The following AMPH variants were observed in gnomAD, a reference collection of about 807,000 sequenced individuals.
AMPH encodes the protein amphiphysin, also known as amphiphysin (Stiff-Mann syndrome with breast cancer 128kD autoantigen).
A neutral mutation model predicts 99.1 loss-of-function variants in AMPH; 49 were observed. The observed-to-expected ratio is 0.49, with a 90% CI of 0.39 to 0.63. AMPH has a LOEUF of 0.63. Ranked by LOEUF, AMPH falls within the 20% of genes least tolerant of loss-of-function variation. AMPH has a pLI of 0.00. For missense variants in AMPH, 759 were observed against 863.4 expected (o/e 0.88, Z 1.52); for synonymous variants, 314 against 317.3 (o/e 0.99, Z 0.11).
At chr7:38,596,101 T>C (rs1461806920) in intron 1 of AMPH, among the ~76,000 whole-genome samples, 1 of 152,200 alleles carries the variant, frequency 6.6e-6, no homozygotes, top group Non-Finnish European at 1.5e-5. Context: ...CTGGGTCAAA[T>C]AGTAGCTCTG....
At chr7:38,451,303 ACG>A (rs1787008997) in intron 11 of AMPH, among the ~76,000 whole-genome samples, 1 of 150,714 alleles carries the variant, frequency 6.6e-6, no homozygotes, top group Admixed American at 6.6e-5. Context: ...ACACATATAT[ACG>A]TGTGTATATA....
chr7:38,386,304 A>AT (rs975901340), intron 20 of AMPH, among the ~76,000 whole-genome samples: 15 of 152,318 alleles, frequency 9.8e-5, no homozygotes, highest in Non-Finnish European at 1.8e-4. Context: ...ATAAAAGGTC[A>AT]TTTTTCCCCC....
At chr7:38,413,210 G>C (rs1359005323) in intron 17 of AMPH, among the ~76,000 whole-genome samples, 1 of 152,122 alleles carries the variant, frequency 6.6e-6, no homozygotes, top group Non-Finnish European at 1.5e-5. Flanking sequence ...GCCCTCATGG[G>C]AAACTTTTAA....
At chr7:38,476,778 G>T in intron 6 of AMPH, 84 bp downstream of exon 6, 1 of 903,274 alleles carries the variant, frequency 1.1e-6, no homozygotes, top group South Asian at 1.5e-5. Context: ...TCCTTTTATA[G>T]AGGAGGCATT....
At chr7:38,520,846 C>T (rs1295047734) in intron 2 of AMPH, among the ~76,000 whole-genome samples, 1 of 152,206 alleles carries the variant, frequency 6.6e-6, no homozygotes, top group Non-Finnish European at 1.5e-5. Context: ...CCCAAAATTA[C>T]ACTATCAGAC....
intron 1 of AMPH, among the ~76,000 whole-genome samples, chr7:38,577,981 C>A (rs532114125): frequency 2.0e-5 from 3 of 152,224 alleles, no homozygotes; most frequent in Non-Finnish European, 2.9e-5. Context: ...ACGATAGCTG[C>A]GTCACCTGTG....
intron 1 of AMPH, among the ~76,000 whole-genome samples, chr7:38,556,370 A>T (rs1485675415): frequency 6.6e-6 from 1 of 152,176 alleles, no homozygotes; most frequent in Admixed American, 6.5e-5. Flanking sequence ...AAGAGGAAAA[A>T]AAATGAATGA....
chr7:38,600,613 T>A (rs962432284), intron 1 of AMPH, among the ~76,000 whole-genome samples: 8 of 152,196 alleles, frequency 5.3e-5, no homozygotes, highest in African/African-American at 1.9e-4. Context: ...TCTTTGACCA[T>A]TTTTTACCTA....
rs1235790854 is a variant in AMPH at position 38,394,153 on chromosome 7, G to C, written c.1460C>G (p.Ala487Gly). 1.2e-6 allele frequency: 2 copies of C among 1,613,994 alleles called. No individual in the cohort carries two copies. The highest frequency in any genetic ancestry group is 1.7e-6 in the Non-Finnish European group (2 of 1,180,036). ...CTCCGCCTCTGCTTCCTCTCCTGGG[G>C]CCCCCTCAGCTGCTGACACCAAGGT... ...VGTLVSAAEG[A>G]PGEEAEAEKA... The change falls in exon 18 of 21, where the codon GCC becomes GGC. Residue 487 changes from alanine (A) to glycine (G), a missense_variant. By Grantham distance (60) the Ala-to-Gly change is moderately conservative. Around this residue, in one of 2 missense-constraint regions of AMPH, gnomAD observed 554 missense variants for 575.6 expected, o/e 0.96. Coordinates refer to ENST00000356264, the MANE Select transcript of AMPH (RefSeq NM_001635.4).
chr7:38,426,927 G>T lies in AMPH; in HGVS notation c.1215+27C>A, dbSNP rs777491039. 15 of 1,607,384 alleles carry T rather than the reference G, an allele frequency of 9.3e-6. 1 individual carries two copies. The highest frequency in any genetic ancestry group is 1.1e-5 in the Non-Finnish European group (13 of 1,174,762). On this transcript the variant is annotated intron_variant, in intron 15 of 20. Coordinates refer to ENST00000356264, the MANE Select transcript of AMPH (RefSeq NM_001635.4). ...AAATGTGCATCATTCTCAGCAGATG[G>T]ATCTTGTAAGAAAACAGATTCCTTA...
At chr7:38,538,451 A>G (rs919068842) in intron 1 of AMPH, among the ~76,000 whole-genome samples, 2 of 152,146 alleles carry the variant, frequency 1.3e-5, no homozygotes, top group Non-Finnish European at 2.9e-5. Context: ...GGAGTGGACA[A>G]GGGTGGCATG....
chr7:38,622,401 T>C (rs1165748892), intron 1 of AMPH, among the ~76,000 whole-genome samples: 2 of 152,058 alleles, frequency 1.3e-5, no homozygotes, highest in Admixed American at 6.6e-5. Flanking sequence ...AATTTAGTCA[T>C]ATATATGAAT....
At chr7:38,397,545 A>T (rs1173099564) in intron 17 of AMPH, among the ~76,000 whole-genome samples, 1 of 152,232 alleles carries the variant, frequency 6.6e-6, no homozygotes, top group East Asian at 1.9e-4. Flanking sequence ...ATAAGTCTTC[A>T]AACTATGAAA....
chr7:38,470,475 T>C (rs1173967093), intron 7 of AMPH, among the ~76,000 whole-genome samples: 1 of 152,118 alleles, frequency 6.6e-6, no homozygotes, highest in African/African-American at 2.4e-5. Flanking sequence ...CACTCCTCAT[T>C]TTTAAAATTC....
At chr7:38,421,044 G>C (rs946973046) in intron 16 of AMPH, 1 of 456,552 alleles carries the variant, frequency 2.2e-6, no homozygotes, top group Non-Finnish European at 4.4e-6. Context: ...ACCAAGGTTA[G>C]CAGCATTTGC....
chr7:38,543,293 A>G (rs1312166344), intron 1 of AMPH, among the ~76,000 whole-genome samples: 1 of 152,198 alleles, frequency 6.6e-6, no homozygotes, highest in Non-Finnish European at 1.5e-5. Flanking sequence ...GACCTGCTGT[A>G]CAAATATTAA....
At chr7:38,388,092 T>C (rs1004612836) in intron 20 of AMPH, among the ~76,000 whole-genome samples, 3 of 152,098 alleles carry the variant, frequency 2.0e-5, no homozygotes, top group Non-Finnish European at 4.4e-5. Context: ...AGACTAGCAC[T>C]TCAGAAATAG....
chr7:38,537,254 C>G (rs1333886057), intron 1 of AMPH, among the ~76,000 whole-genome samples: 3 of 152,092 alleles, frequency 2.0e-5, no homozygotes, highest in Non-Finnish European at 4.4e-5. Context: ...GGACCTATAT[C>G]TGATTGAGTG....
At chr7:38,531,910 T>C (rs1184950705) in intron 2 of AMPH, among the ~76,000 whole-genome samples, 1 of 151,102 alleles carries the variant, frequency 6.6e-6, no homozygotes. Context: ...CTCTTCAGAG[T>C]ACTGATTCAC....
Sources: allele counts gnomAD v4.1 joint callset (sites outside exome capture counted in the v4.1 genomes callset), GRCh38; gene constraint gnomAD v4.1.1; regional missense constraint gnomAD v4.1.1; transcripts MANE v1.5; gene names NCBI Gene and HGNC (gene_info 2026-07-23, HGNC 2026-07-21).